WWOX: variants seen among roughly 807,000 people sequenced by gnomAD.
WWOX encodes WW domain containing oxidoreductase, also known as WW domain-containing oxidoreductase.
In WWOX, 69 loss-of-function variants were observed where a neutral mutation model predicts 46.2. The observed-to-expected ratio is 1.49, with a 90% CI of 1.23 to 1.82. The LOEUF is 1.82. WWOX is among the 40% of genes most tolerant of loss of function. WWOX has a pLI of 0.00. For synonymous variants in WWOX, 359 were observed against 202.6 expected (o/e 1.77, Z -6.56); for missense variants, 919 against 542.6 (o/e 1.69, Z -6.89).
At chr16:78,913,903 C>G (rs546803669) in intron 8 of WWOX, among the ~76,000 whole-genome samples, 3 of 152,070 alleles carry the variant, frequency 2.0e-5, no homozygotes, top group African/African-American at 7.2e-5. Context: ...TCAAGTGATC[C>G]TCCTGCCTTG....
At chr16:78,824,310 C>G (rs1336915337) in intron 8 of WWOX, among the ~76,000 whole-genome samples, 1 of 152,068 alleles carries the variant, frequency 6.6e-6, no homozygotes, top group Admixed American at 6.5e-5. Context: ...TTTTTATTGA[C>G]TCAAATGTGT....
At chr16:78,115,240 G>A in intron 4 of WWOX, 86 bp downstream of exon 4, 3 of 1,502,136 alleles carry the variant, frequency 2.0e-6, no homozygotes, top group Non-Finnish European at 2.8e-6. Flanking sequence ...TTGTTTAGTG[G>A]TTCTCTGATT....
At chr16:78,899,129 A>T (rs1156491732) in intron 8 of WWOX, 1 of 152,112 alleles carries the variant, frequency 6.6e-6, no homozygotes, top group Non-Finnish European at 1.5e-5. Flanking sequence ...ACAGTGTTGA[A>T]CAGAGGTTTT....
At chr16:79,086,029 G>T (rs2048847811) in intron 8 of WWOX, among the ~76,000 whole-genome samples, 1 of 151,892 alleles carries the variant, frequency 6.6e-6, no homozygotes, top group South Asian at 2.1e-4. Flanking sequence ...CCATGACTGT[G>T]GCACTGCACT....
intron 5 of WWOX, among the ~76,000 whole-genome samples, chr16:78,208,403 GA>G (rs1490088559): frequency 4.6e-5 from 7 of 152,148 alleles, no homozygotes; most frequent in Admixed American, 2.6e-4. Flanking sequence ...ATATGTATAT[GA>G]AACGGTGAGA....
intron 8 of WWOX, among the ~76,000 whole-genome samples, chr16:78,449,729 A>G (rs967244539): frequency 1.3e-5 from 2 of 152,202 alleles, no homozygotes; most frequent in African/African-American, 4.8e-5. Context: ...AAAGCTTATG[A>G]AAAGAATAAA....
chr16:78,257,449 C>T, intron 5 of WWOX, among the ~76,000 whole-genome samples: 1 of 152,136 alleles, frequency 6.6e-6, no homozygotes, highest in East Asian at 1.9e-4. Flanking sequence ...TCCTCCGAGC[C>T]AGGGATGGAG....
chr16:78,959,988 G>C (rs1467851523), intron 8 of WWOX, among the ~76,000 whole-genome samples: 11 of 152,150 alleles, frequency 7.2e-5, no homozygotes, highest in Admixed American at 7.2e-4. Context: ...GAGACTTCTG[G>C]TTAACTAAAG....
intron 8 of WWOX, among the ~76,000 whole-genome samples, chr16:78,674,614 C>T (rs1165832745): frequency 2.6e-5 from 4 of 152,112 alleles, no homozygotes; most frequent in Non-Finnish European, 2.9e-5. Context: ...TTATTATTTT[C>T]TCCTAACCAC....
chr16:78,849,947 C>T (rs2052400108), intron 8 of WWOX, among the ~76,000 whole-genome samples: 1 of 152,104 alleles, frequency 6.6e-6, no homozygotes, highest in Non-Finnish European at 1.5e-5. Context: ...TGGCACAGGC[C>T]TGTAATCCCA....
intron 8 of WWOX, among the ~76,000 whole-genome samples, chr16:79,160,382 T>A (rs2050461843): frequency 6.6e-6 from 1 of 152,140 alleles, no homozygotes; most frequent in African/African-American, 2.4e-5. Flanking sequence ...CCACCTACTG[T>A]CACCTGCATT....
chr16:78,391,064 C>T (rs1450857447), intron 6 of WWOX, among the ~76,000 whole-genome samples: 3 of 152,152 alleles, frequency 2.0e-5, no homozygotes, highest in Non-Finnish European at 4.4e-5. Context: ...AAGGTAGAAA[C>T]AGATTCTTAG....
chr16:78,418,214 A>G (rs890544226), intron 6 of WWOX, among the ~76,000 whole-genome samples: 10 of 151,860 alleles, frequency 6.6e-5, no homozygotes, highest in African/African-American at 2.2e-4. Flanking sequence ...CAAAAACAAG[A>G]TTAGTGGGGC....
chr16:78,274,584 A>T (rs1412410598), intron 5 of WWOX, among the ~76,000 whole-genome samples: 1 of 152,138 alleles, frequency 6.6e-6, no homozygotes, highest in Admixed American at 6.5e-5. Flanking sequence ...ATTCTGGTGA[A>T]CACATCCAAT....
chr16:78,553,086 T>G (rs1032569120), intron 8 of WWOX: 3 of 151,974 alleles, frequency 2.0e-5, no homozygotes, highest in African/African-American at 7.3e-5. Context: ...TGAGAACACA[T>G]GGACACAGGG....
At chr16:78,927,050 C>T (rs976020843) in intron 8 of WWOX, among the ~76,000 whole-genome samples, 3 of 152,182 alleles carry the variant, frequency 2.0e-5, no homozygotes, top group African/African-American at 7.2e-5. Context: ...CCCGCCTTGG[C>T]CTCCCAAATT....
chr16:78,485,590 G>T (rs1014004340), intron 8 of WWOX, among the ~76,000 whole-genome samples: 3 of 152,126 alleles, frequency 2.0e-5, no homozygotes, highest in South Asian at 2.1e-4. Context: ...ATGGGGAGGG[G>T]AGCCTGTCTC....
intron 5 of WWOX, among the ~76,000 whole-genome samples, chr16:78,342,739 C>G (rs1262583207): frequency 8.3e-6 from 1 of 120,382 alleles, no homozygotes; most frequent in Non-Finnish European, 2.0e-5. Context: ...CCATTACTCC[C>G]AAAAATTGCA....
chr16:78,903,169 C>G (rs560783772), intron 8 of WWOX, among the ~76,000 whole-genome samples: 1 of 152,158 alleles, frequency 6.6e-6, no homozygotes, highest in African/African-American at 2.4e-5. Flanking sequence ...TCTAAATACT[C>G]CCTAGATGTT....
Sources: gnomAD v4.1 joint callset for allele counts (sites outside exome capture counted in the v4.1 genomes callset) on GRCh38, gnomAD v4.1.1 for gene constraint, MANE v1.5 for transcripts, NCBI Gene and HGNC (gene_info 2026-07-23, HGNC 2026-07-21) for gene names.